Variants in MPP3 observed in about 807,000 individuals in gnomAD.
The protein encoded by MPP3 is MAGUK p55 subfamily member 3.
In MPP3, 48 loss-of-function variants were observed where a neutral mutation model predicts 80.7. The observed-to-expected ratio is 0.59, with a 90% CI of 0.47 to 0.76. The LOEUF (loss-of-function observed/expected upper bound fraction) is 0.76. Ranked by LOEUF, MPP3 falls within the 30% of genes least tolerant of loss-of-function variation. MPP3 has a pLI of 0.00. For synonymous variants in MPP3, 311 were observed against 297.6 expected (o/e 1.04, Z -0.46); for missense variants, 620 against 763.0 (o/e 0.81, Z 2.21).
At chr17:43,821,924 C>CT (rs1281561486) in intron 10 of MPP3, among the ~76,000 whole-genome samples, 1 of 152,162 alleles carries the variant, frequency 6.6e-6, no homozygotes, top group East Asian at 1.9e-4. Context: ...TGCCCTTAAC[C>CT]AGCCACAGAT....
intron 8 of MPP3, 21 bp downstream of exon 8, chr17:43,827,729 GC>G (rs746520118): frequency 8.1e-6 from 13 of 1,607,532 alleles, no homozygotes; most frequent in Non-Finnish European, 1.1e-5. Flanking sequence ...GGCTGGGCCA[GC>G]TTTGCACTGC....
At position 43,829,733 on chromosome 17, in the gene MPP3, G is replaced by A. The variant is rs1305705294; in HGVS notation, c.362C>T (p.Pro121Leu). 1.2e-6 allele frequency: 2 copies of A among 1,614,104 alleles called. No homozygotes were observed. Among genetic ancestry groups the A allele is most frequent in the Non-Finnish European group, 8.5e-7 (1 of 1,180,012 alleles). Residue 121 changes from proline to leucine, a missense_variant, in exon 7 of 20, where the codon CCT (proline) becomes CTT (leucine). Pro to Leu is a moderately conservative substitution (Grantham distance 98). Transcript: ENST00000398389. Reference protein sequence around the residue: ...AQKNFDPVLPPLPDNIDEDFD... With the variant: ...AQKNFDPVLPLLPDNIDEDFD... Reference sequence around the variant, plus strand: ...ATCCTCATCGATATTGTCAGGCAGAGGCGGGAGAACGGGGTCAAAATTCTT... The same window carrying A: ...ATCCTCATCGATATTGTCAGGCAGAAGCGGGAGAACGGGGTCAAAATTCTT...
At chr17:43,810,392 G>A (rs2044798445) in intron 18 of MPP3, among the ~76,000 whole-genome samples, 1 of 151,960 alleles carries the variant, frequency 6.6e-6, no homozygotes, top group Admixed American at 6.6e-5. Flanking sequence ...TCCCTGAGTG[G>A]TTCTCTAAGC....
chr17:43,805,906 GT>G (rs1290970199), intron 19 of MPP3, among the ~76,000 whole-genome samples: 6 of 152,174 alleles, frequency 3.9e-5, no homozygotes, highest in African/African-American at 1.2e-4. Context: ...TCATTGAATT[GT>G]ATGCTTTAAA....
intron 16 of MPP3, among the ~76,000 whole-genome samples, chr17:43,813,234 G>A (rs1598334456): frequency 1.3e-5 from 2 of 152,184 alleles, no homozygotes; most frequent in Admixed American, 1.3e-4. Context: ...GGCTGCCTGG[G>A]TATGAATCCT....
Position 43,820,919 on chromosome 17 carries a change from C to T in MPP3, c.824G>A (p.Arg275Gln). ...QDDPTWWQAKRVGDTNLRAGL... is the reference protein window; with the variant it reads ...QDDPTWWQAKQVGDTNLRAGL... ...GGCTCGAAGGTTGGTGTCCCCGACTCGCTTGGCCTGCCACCACGTGGGGTC... is the reference window on the plus strand; with the variant it reads ...GGCTCGAAGGTTGGTGTCCCCGACTTGCTTGGCCTGCCACCACGTGGGGTC... Residue 275 changes from arginine (R) to glutamine (Q), a missense_variant, in exon 11 of 20, where the codon CGA becomes CAA. Arg to Gln is a conservative substitution (Grantham distance 43). Transcript: ENST00000398389. 2.5e-6 allele frequency: 4 copies of T among 1,614,160 alleles called. No homozygotes were observed. Among genetic ancestry groups the T allele is most frequent in the Middle Eastern group, 1.7e-4 (1 of 6,060 alleles).
chr17:43,804,279 G>A (rs963235597), intron 19 of MPP3, among the ~76,000 whole-genome samples: 4 of 152,182 alleles, frequency 2.6e-5, no homozygotes, highest in Non-Finnish European at 4.4e-5. Flanking sequence ...TGAAAAACCT[G>A]ACTTCAAAAC....
chr17:43,827,816 C>A lies in MPP3; in HGVS notation c.458G>T (p.Arg153Leu). The change falls in exon 8 of 20, where the codon CGG becomes CTG. Residue 153 changes from arginine to leucine, a missense_variant. Physicochemically the swap from Arg to Leu is moderately radical, Grantham distance 102 (BLOSUM62 -2). Transcript: ENST00000398389. ...CACAACAGCCCCTGAGTGCTCGTCC[C>A]GCCGGATGGTGGCACCCTGAACCCG... ...NKEPLGATIR[R>L]DEHSGAVVVA... 4.3e-6 allele frequency: 7 copies of A among 1,613,234 alleles called. No homozygotes were observed. The highest frequency in any genetic ancestry group is 5.9e-6 in the Non-Finnish European group (7 of 1,180,008).
chr17:43,820,605 T>TACACACACACAC (rs61249899), intron 11 of MPP3, among the ~76,000 whole-genome samples: 14 of 125,296 alleles, frequency 1.1e-4, no homozygotes, highest in African/African-American at 3.5e-4. Context: ...AAAAAAAAAA[T>TACACACACACAC]ACACACACAC....
rs769205270 is a variant in MPP3 at position 43,825,797 on chromosome 17, C to T, written c.568G>A (p.Ala190Thr). 67 of 1,613,118 alleles carry T rather than the reference C, an allele frequency of 4.2e-5. No individual in the cohort carries two copies. Among genetic ancestry groups the T allele is most frequent in the Non-Finnish European group, 2.1e-5 (25 of 1,179,220 alleles). Residue 190 changes from alanine (A) to threonine (T), a missense_variant, in exon 9 of 20, where the codon GCA (alanine) becomes ACA (threonine). Ala to Thr is a moderately conservative substitution (Grantham distance 58). Transcript: ENST00000398389. The stretch of plus-strand genomic sequence containing the variant: ...TCGTCGGGCCGCTTGTGCAGGACTG[C>T]GATCCCGTTCACTTCTCGGAGCTCA... Reference protein sequence around the residue: ...GDELREVNGIAVLHKRPDEIS... With the variant: ...GDELREVNGITVLHKRPDEIS...
chr17:43,830,019 G>T lies in MPP3; in HGVS notation c.303+8C>A, dbSNP rs1272446258. On this transcript the variant is annotated splice_region_variant and intron_variant, in intron 6 of 19. Coordinates refer to ENST00000398389, the MANE Select transcript of MPP3 (RefSeq NM_001932.6). ...AGGCATGGCTGGGCAGGGGCTCTGT[G>T]TGACTACCCTCAGGTGCGGGGTGGA... 6.2e-7 allele frequency: 1 copy of T among 1,605,714 alleles called. No homozygotes were observed.
In MPP3 at chr17:43,801,816, A is replaced by G; in HGVS notation, c.1643T>C (p.Leu548Pro). 6.2e-7 allele frequency: 1 copy of G among 1,614,132 alleles called. No homozygotes were observed. The highest frequency in any genetic ancestry group is 8.5e-7 in the Non-Finnish European group (1 of 1,180,010). ...AAFIDRHYGHLVDAVLVKEDL... is the reference protein window; with the variant it reads ...AAFIDRHYGHPVDAVLVKEDL... The stretch of plus-strand genomic sequence containing the variant: ...CTCCTTCACCAGCACGGCGTCTACC[A>G]GGTGCCCGTAATGCCGGTCTATGAA... The change falls in exon 20 of 20, where the codon CTG (leucine) becomes CCG (proline). Residue 548 changes from leucine (L) to proline (P), a missense_variant. Transcript: ENST00000398389.
At chr17:43,803,257 TG>T (rs1472402920) in intron 19 of MPP3, among the ~76,000 whole-genome samples, 2 of 152,158 alleles carry the variant, frequency 1.3e-5, no homozygotes, top group Non-Finnish European at 2.9e-5. Flanking sequence ...TGGAAGCATT[TG>T]GCTATTTGAG....
chr17:43,817,777 G>C, intron 12 of MPP3: 1 of 410,406 alleles, frequency 2.4e-6, no homozygotes, highest in African/African-American at 2.1e-5. Flanking sequence ...ATGCACACGC[G>C]TGTGAACACA....
Position 43,820,605 on chromosome 17 carries a change from T to TACAC in MPP3, c.881+253_881+256dup, listed in dbSNP as rs61249899. ...GACTCTGTCTCAAAAAAAAAAAAAA[T>TACAC]ACACACACACACACACACACACACA... On this transcript the variant is annotated intron_variant, in intron 11 of 19. Coordinates refer to ENST00000398389, the MANE Select transcript of MPP3 (RefSeq NM_001932.6). 5.4e-3 allele frequency among the ~76,000 whole-genome samples: 677 copies of TACAC among 125,272 alleles called. 7 individuals are homozygous for TACAC. The highest frequency in any genetic ancestry group is 8.5e-3 in the Middle Eastern group (2 of 236). 82.2% of individuals were successfully genotyped at this position (125,272 alleles called of 152,430 possible). A position where few individuals can be genotyped will look rare whatever the true frequency, so the allele number is the denominator to read the frequency against.
chr17:43,802,383 A>G (rs935342618), intron 19 of MPP3, among the ~76,000 whole-genome samples: 2 of 152,160 alleles, frequency 1.3e-5, no homozygotes, highest in African/African-American at 4.8e-5. Context: ...CCTCCTGAAG[A>G]CTCCTAAATT....
intron 19 of MPP3, among the ~76,000 whole-genome samples, chr17:43,806,890 G>C (rs1460252620): frequency 6.6e-6 from 1 of 152,104 alleles, no homozygotes; most frequent in Non-Finnish European, 1.5e-5. Context: ...TTACAGGTGT[G>C]AGCCACTGCA....
intron 13 of MPP3, 57 bp downstream of exon 13, chr17:43,816,620 A>T (rs2045147633): frequency 6.6e-7 from 1 of 1,516,906 alleles, no homozygotes; most frequent in Non-Finnish European, 9.0e-7. Flanking sequence ...CTCAGGCCCC[A>T]GACGTTCCAC....
chr17:43,811,418 G>A (rs2044852814), intron 16 of MPP3: 1 of 558,780 alleles, frequency 1.8e-6, no homozygotes, highest in Non-Finnish European at 3.2e-6. Context: ...GGCAAAAGGA[G>A]GCTTTTCCTT....
Sources: allele counts gnomAD v4.1 joint callset (sites outside exome capture counted in the v4.1 genomes callset), GRCh38; gene constraint gnomAD v4.1.1; transcripts MANE v1.5; gene names NCBI Gene and HGNC (gene_info 2026-07-23, HGNC 2026-07-21).